KAZN: variants seen among roughly 807,000 people sequenced by gnomAD.
KAZN encodes kazrin.
A neutral mutation model predicts 87.4 loss-of-function variants in KAZN; 40 were observed. The observed-to-expected ratio is 0.46, with a 90% CI of 0.36 to 0.60. KAZN has a LOEUF of 0.60. KAZN is among the 20% of genes least tolerant of loss of function. The pLI, the probability that KAZN is intolerant of heterozygous loss-of-function variation, is 0.00. For missense variants in KAZN, 898 were observed against 1,073.9 expected, an observed-to-expected ratio of 0.84 and a Z score of 2.29; for synonymous variants, 466 against 458.3, an observed-to-expected ratio of 1.02 and a Z score of -0.22.
At chr1:14,174,916 T>C (rs749408874) in intron 1 of KAZN, among the ~76,000 whole-genome samples, 7 of 152,174 alleles carry the variant, frequency 4.6e-5, no homozygotes, top group Admixed American at 2.6e-4. Flanking sequence ...AAGATTCAGC[T>C]TGGGCACGGT....
chr1:13,957,175 T>G (rs977567488), intron 1 of KAZN, among the ~76,000 whole-genome samples: 15 of 152,196 alleles, frequency 9.9e-5, no homozygotes, highest in African/African-American at 3.6e-4. Context: ...TCATTGCTAC[T>G]TGGCCAATGA....
At chr1:14,182,636 G>A (rs1280220547) in intron 2 of KAZN, among the ~76,000 whole-genome samples, 3 of 152,120 alleles carry the variant, frequency 2.0e-5, no homozygotes, top group Non-Finnish European at 4.4e-5. Context: ...TTTTGGGGAT[G>A]GCCAGGGATG....
At chr1:14,758,142 C>T (rs1003167153) in intron 1 of KAZN, among the ~76,000 whole-genome samples, 4 of 99,420 alleles carry the variant, frequency 4.0e-5, no homozygotes, top group African/African-American at 1.9e-4. Context: ...TTCCTTCCCT[C>T]CTTCCTCCCT....
intron 1 of KAZN, among the ~76,000 whole-genome samples, chr1:14,011,968 G>A (rs893364047): frequency 5.3e-5 from 8 of 152,074 alleles, no homozygotes; most frequent in Admixed American, 1.3e-4. Context: ...AAATGATTGG[G>A]GATATGCTTG....
intron 1 of KAZN, among the ~76,000 whole-genome samples, chr1:14,822,997 G>T (rs77625726): frequency 0.037 from 5,582 of 152,254 alleles, 157 homozygotes; most frequent in Non-Finnish European, 0.056. Context: ...TATGGGGAAG[G>T]GGGGCTTCCC....
At chr1:14,762,726 A>G (rs1644775844) in intron 1 of KAZN, among the ~76,000 whole-genome samples, 1 of 147,228 alleles carries the variant, frequency 6.8e-6, no homozygotes, top group African/African-American at 2.5e-5. Flanking sequence ...CTCTGTCTCA[A>G]AAAAAAAAAA....
intron 4 of KAZN, among the ~76,000 whole-genome samples, chr1:15,044,385 C>T (rs1274755489): frequency 5.3e-5 from 8 of 152,178 alleles, no homozygotes; most frequent in Non-Finnish European, 1.2e-4. Context: ...CTTTTATCCA[C>T]CTGCCTTGGG....
chr1:15,095,618 C>G (rs377561955), intron 10 of KAZN, among the ~76,000 whole-genome samples: 2 of 151,564 alleles, frequency 1.3e-5, no homozygotes, highest in African/African-American at 4.8e-5. Flanking sequence ...CCCCGCCCCA[C>G]CCCGTTCTGA....
intron 2 of KAZN, among the ~76,000 whole-genome samples, chr1:14,197,466 T>A (rs753038193): frequency 2.0e-5 from 3 of 147,616 alleles, no homozygotes; most frequent in African/African-American, 5.0e-5. Flanking sequence ...ATCAGGTGGA[T>A]CACCTGAGGT....
chr1:14,548,253 C>T (rs1309577692), intron 2 of KAZN, among the ~76,000 whole-genome samples: 1 of 147,822 alleles, frequency 6.8e-6, no homozygotes, highest in African/African-American at 2.5e-5. Flanking sequence ...GACTGGAGTG[C>T]AGTGGTGCGA....
chr1:13,986,306 T>C (rs1639012443), intron 1 of KAZN, among the ~76,000 whole-genome samples: 1 of 152,224 alleles, frequency 6.6e-6, no homozygotes, highest in Non-Finnish European at 1.5e-5. Context: ...TTTAATATGT[T>C]GTTTATTTTT....
At chr1:14,725,610 CAG>C (rs1643343016) in intron 1 of KAZN, among the ~76,000 whole-genome samples, 2 of 152,142 alleles carry the variant, frequency 1.3e-5, no homozygotes, top group South Asian at 4.1e-4. Context: ...GGTGAGGAAA[CAG>C]AGGCTAAGAG....
chr1:14,973,290 T>C (rs990133433), intron 2 of KAZN, among the ~76,000 whole-genome samples: 1 of 152,244 alleles, frequency 6.6e-6, no homozygotes, highest in African/African-American at 2.4e-5. Context: ...TTGGGGTTTA[T>C]CTGTGAGCAT....
chr1:14,355,491 T>C lies in KAZN; in HGVS notation c.249+174899T>C, dbSNP rs139487665. ...GTGCAGAACGTGCAGGTTTGTTACA[T>C]AAGTATACATGTCCCATGGTGGTTT... On this transcript the variant is annotated intron_variant, in intron 2 of 16. Coordinates refer to the KAZN transcript ENST00000636203. 7.4e-3 allele frequency among the ~76,000 whole-genome samples: 1,133 copies of C among 152,218 alleles called. 14 individuals carry two copies. Among genetic ancestry groups the C allele is most frequent in the African/African-American group, 0.025 (1,053 of 41,524 alleles).
intron 1 of KAZN, among the ~76,000 whole-genome samples, chr1:14,018,262 T>G (rs1225326667): frequency 2.6e-5 from 4 of 152,182 alleles, no homozygotes; most frequent in Non-Finnish European, 4.4e-5. Flanking sequence ...TGAAGTTTGT[T>G]TCAACAGCTT....
At chr1:14,792,974 C>CAAA (rs1338876410) in intron 1 of KAZN, among the ~76,000 whole-genome samples, 2,786 of 108,774 alleles carry the variant, frequency 0.026, 108 homozygotes, top group African/African-American at 0.084. Context: ...GACTCTGTCT[C>CAAA]AAAAAAAAAA....
At chr1:14,431,294 C>T (rs1022934830) in intron 2 of KAZN, among the ~76,000 whole-genome samples, 9 of 152,080 alleles carry the variant, frequency 5.9e-5, no homozygotes, top group African/African-American at 1.9e-4. Context: ...TTTGGGGATC[C>T]ATTTTATAAT....
rs1162906699 is a variant in KAZN at position 15,063,583 on chromosome 1, C to T, written c.1059C>T (p.Pro353=). ...RTHSLCNGDS[P]GPVQKNLHNP... ...TCCTCTGGCTACAGGGCGACAGTCC[C>T]GGCCCAGTTCAGAAGAACCTGCACA... The change falls in exon 7 of 15, where the codon CCC becomes CCT. Residue 353 remains proline, a synonymous_variant. Coordinates refer to ENST00000376030, the MANE Select transcript of KAZN (RefSeq NM_201628.3). The T allele has an allele frequency of 1.4e-5, 23 of 1,614,052 alleles. No individual in the cohort carries two copies. Among genetic ancestry groups the T allele is most frequent in the Middle Eastern group, 1.6e-4 (1 of 6,062 alleles).
intron 2 of KAZN, among the ~76,000 whole-genome samples, chr1:14,298,149 CAGG>C (rs1265644685): frequency 1.3e-5 from 2 of 152,122 alleles, no homozygotes; most frequent in African/African-American, 4.8e-5. Flanking sequence ...TGCTTGAACC[CAGG>C]AGGTCGAGGC....
Sources: gnomAD v4.1 joint callset for allele counts (sites outside exome capture counted in the v4.1 genomes callset) on GRCh38, gnomAD v4.1.1 for gene constraint, MANE v1.5 for transcripts, NCBI Gene and HGNC (gene_info 2026-07-23, HGNC 2026-07-21) for gene names.